The following ZSWIM4 variants were observed in gnomAD, a reference collection of about 807,000 sequenced individuals.
The protein encoded by ZSWIM4 is zinc finger SWIM domain-containing protein 4.
ZSWIM4 carries 62 observed loss-of-function variants against 102.5 expected under a neutral mutation model. That is an observed-to-expected ratio of 0.60 (90% confidence interval 0.49 to 0.75). The LOEUF (loss-of-function observed/expected upper bound fraction) is 0.75. ZSWIM4 is among the 30% of genes least tolerant of loss of function. The pLI is 0.00. For synonymous variants in ZSWIM4, 652 were observed against 674.5 expected, an observed-to-expected ratio of 0.97 and a Z score of 0.52; for missense variants, 1,280 against 1,529.6, an observed-to-expected ratio of 0.84 and a Z score of 2.72.
chr19:13,805,376 G>A (rs1406578818), intron 3 of ZSWIM4, among the ~76,000 whole-genome samples: 1 of 152,124 alleles, frequency 6.6e-6, no homozygotes, highest in Non-Finnish European at 1.5e-5. Flanking sequence ...CGGGCAGAGG[G>A]CGAGGGCAGG....
In ZSWIM4 at chr19:13,830,255, T is replaced by C. The variant is rs1975721004; in HGVS notation, c.2526T>C (p.Ala842=). The change falls in exon 14 of 14, where the codon GCT becomes GCC. Residue 842 remains alanine (A), a synonymous_variant. Coordinates refer to ENST00000590508, the MANE Select transcript of ZSWIM4 (RefSeq NM_001367834.3). The part of the protein sequence containing the change: ...WYSLFTPVEA[A]TIVAVTGTTH... ...CCTTATTCACACCAGTGGAGGCGGC[T>C]ACCATCGTGGCAGTGACGGGCACCA... 3 of 1,613,878 alleles carry C rather than the reference T, an allele frequency of 1.9e-6. No individual in the cohort carries two copies. Among genetic ancestry groups the C allele is most frequent in the Non-Finnish European group, 1.7e-6 (2 of 1,180,044 alleles).
At chr19:13,820,200 CT>C (rs1975425502) in intron 10 of ZSWIM4, among the ~76,000 whole-genome samples, 1 of 151,884 alleles carries the variant, frequency 6.6e-6, no homozygotes, top group Non-Finnish European at 1.5e-5. Context: ...CACAGCCGTG[CT>C]TTTTATTATT....
chr19:13,829,785 A>C (rs187965732), intron 13 of ZSWIM4, among the ~76,000 whole-genome samples: 16 of 152,172 alleles, frequency 1.1e-4, no homozygotes, highest in African/African-American at 2.6e-4. Context: ...AGATGGTGCC[A>C]CTGCCCTCCA....
rs117957284 is a variant in ZSWIM4, at chr19:13,798,164, C to T, written c.154-1556C>T. ...TCTTTTCTTTTGAGGCAGAGCCTTG[C>T]TCAGTAGCCCAGTGAAACAATGATT... is the stretch of plus-strand genomic sequence containing the variant. On this transcript the variant is annotated intron_variant, in intron 1 of 13. Coordinates refer to ENST00000590508, the MANE Select transcript of ZSWIM4 (RefSeq NM_001367834.3). Among the ~76,000 whole-genome samples the T allele has an allele frequency of 1.9e-3, 296 of 152,240 alleles. 6 individuals are homozygous for T. Among genetic ancestry groups the T allele is most frequent in the East Asian group, 0.015 (77 of 5,180 alleles).
At chr19:13,810,766 C>T (rs960731943) in intron 5 of ZSWIM4, among the ~76,000 whole-genome samples, 3 of 151,664 alleles carry the variant, frequency 2.0e-5, no homozygotes, top group African/African-American at 7.3e-5. Context: ...CCCACCACCA[C>T]GCCCGGCTAA....
chr19:13,817,104 G>T, intron 7 of ZSWIM4, 112 bp from the exon 8 acceptor site: 1 of 1,414,846 alleles, frequency 7.1e-7, no homozygotes, highest in East Asian at 2.3e-5. Context: ...GGGTGAGCAG[G>T]TGGTGGGCAT....
At chr19:13,810,140 A>G (rs181227339) in intron 5 of ZSWIM4, among the ~76,000 whole-genome samples, 2,745 of 144,396 alleles carry the variant, frequency 0.019, 82 homozygotes, top group African/African-American at 0.067. Context: ...GACTACAGGC[A>G]CCCGCCACTA....
At chr19:13,819,238 C>T in intron 9 of ZSWIM4, 119 bp from the exon 10 acceptor site, 1 of 1,403,078 alleles carries the variant, frequency 7.1e-7, no homozygotes, top group Non-Finnish European at 9.6e-7. Context: ...CCCATCTAGC[C>T]ACAGCCACTC....
In ZSWIM4 at chr19:13,831,393, C is replaced by A. The variant is rs921047923; in HGVS notation, c.*343C>A. The A allele has an allele frequency of 8.5e-6, 2 of 236,018 alleles. No individual in the cohort carries two copies. The highest frequency in any genetic ancestry group is 4.5e-5 in the African/African-American group (2 of 44,088). The allele number at this position is 236,018 out of a possible 1,614,324, so 14.6% of individuals were successfully genotyped here. A position where few individuals can be genotyped will look rare whatever the true frequency, so the allele number is the denominator to read the frequency against. ...CCAGGAGGGAGGCTGGGAGGCAGGA[C>A]TTTCCAGAAATCGACCCTCTAAGTC... On this transcript the variant is annotated 3_prime_UTR_variant, in exon 14 of 14. Coordinates refer to ENST00000590508, the MANE Select transcript of ZSWIM4 (RefSeq NM_001367834.3).
intron 10 of ZSWIM4, among the ~76,000 whole-genome samples, chr19:13,823,128 G>A (rs887550262): frequency 6.6e-6 from 1 of 152,224 alleles, no homozygotes; most frequent in East Asian, 1.9e-4. Flanking sequence ...TCCAGCCTGG[G>A]TGACAACAGA....
chr19:13,814,109 T>G (rs1599599281), intron 6 of ZSWIM4, among the ~76,000 whole-genome samples: 1 of 145,396 alleles, frequency 6.9e-6, no homozygotes, highest in African/African-American at 2.6e-5. Flanking sequence ...CAGGCTGGAG[T>G]GCAGTGACGC....
At chr19:13,811,827 C>G (rs1975102183) in intron 5 of ZSWIM4, among the ~76,000 whole-genome samples, 1 of 152,084 alleles carries the variant, frequency 6.6e-6, no homozygotes, top group African/African-American at 2.4e-5. Context: ...TTAATTCCAG[C>G]AGTTTGGGAG....
chr19:13,828,568 C>T (rs1296124914), intron 12 of ZSWIM4, 77 bp from the exon 13 acceptor site: 3 of 1,304,682 alleles, frequency 2.3e-6, no homozygotes, highest in Non-Finnish European at 3.3e-6. Context: ...TTTCTGGGGT[C>T]CTCCATCTCC....
intron 1 of ZSWIM4, among the ~76,000 whole-genome samples, chr19:13,798,506 G>A (rs1000224605): frequency 6.6e-6 from 1 of 152,202 alleles, no homozygotes; most frequent in Non-Finnish European, 1.5e-5. Flanking sequence ...CCTGGTGGGT[G>A]GGAAGATCTC....
intron 7 of ZSWIM4, 95 bp downstream of exon 7, chr19:13,814,960 C>A: frequency 1.4e-6 from 1 of 700,736 alleles, no homozygotes; most frequent in Non-Finnish European, 1.9e-6. Flanking sequence ...AGTTCAACAT[C>A]AGCCTGGGCA....
chr19:13,816,511 C>T (rs1690964459), intron 7 of ZSWIM4, among the ~76,000 whole-genome samples: 1 of 152,114 alleles, frequency 6.6e-6, no homozygotes, highest in South Asian at 2.1e-4. Flanking sequence ...CCTGTATTCC[C>T]AGCTACTCAG....
Position 13,831,271 on chromosome 19 carries a change from G to A in ZSWIM4, c.*221G>A. The stretch of plus-strand genomic sequence containing the variant: ...GCAGAAGCCATACTGCCACCCAGAA[G>A]CCTGGAAGGGGTGTGTGCTTGGGCT... On this transcript the variant is annotated 3_prime_UTR_variant, in exon 14 of 14. Transcript: ENST00000590508. 1.7e-6 allele frequency: 1 copy of A among 588,244 alleles called. No individual in the cohort carries two copies. The highest frequency in any genetic ancestry group is 2.6e-5 in the South Asian group (1 of 39,214). 36.4% of individuals were successfully genotyped at this position (588,244 alleles called of 1,614,324 possible).
chr19:13,822,058 A>G (rs112845546), intron 10 of ZSWIM4, among the ~76,000 whole-genome samples: 1,584 of 151,998 alleles, frequency 0.01, 24 homozygotes, highest in African/African-American at 0.037. Flanking sequence ...TTTTTTTGTA[A>G]TGATGGGATC....
intron 9 of ZSWIM4, 49 bp downstream of exon 9, chr19:13,818,025 CCCCTGGT>C: frequency 6.9e-7 from 1 of 1,444,118 alleles, no homozygotes; most frequent in Non-Finnish European, 9.1e-7. Flanking sequence ...TAGGGTCCAG[CCCCTGGT>C]CCTGTAGCGG....
Sources: allele counts gnomAD v4.1 joint callset (sites outside exome capture counted in the v4.1 genomes callset), GRCh38; gene constraint gnomAD v4.1.1; transcripts MANE v1.5; gene names NCBI Gene and HGNC (gene_info 2026-07-23, HGNC 2026-07-21).